MORC2: variants seen among roughly 807,000 people sequenced by gnomAD.
The protein encoded by MORC2 is ATPase MORC2.
Under a neutral mutation model 136.0 loss-of-function variants are expected in MORC2, and 30 were observed. The ratio of observed to expected loss-of-function variants is 0.22; its 90% CI spans 0.17 to 0.30. MORC2 has a LOEUF of 0.30. MORC2 is among the 10% of genes least tolerant of loss of function. MORC2 has a pLI of 1.00. For synonymous variants in MORC2, 439 were observed against 487.0 expected (o/e 0.90, Z 1.30); for missense variants, 922 against 1,333.1 (o/e 0.69, Z 4.80).
Position 30,958,619 on chromosome 22 carries a change from T to G in MORC2, c.122+22A>C, listed in dbSNP as rs1246748664. The G allele has an allele frequency of 3.3e-6, 5 of 1,537,270 alleles. No individual in the cohort carries two copies. The Admixed American group carries it at 7.9e-5, about 24-fold the overall frequency. ...AAGTGTTTCCACTTCAAGCACAGAT[T>G]GTATGCCTGAAGACTACATACCTTG... is the stretch of plus-strand genomic sequence containing the variant. On this transcript the variant is annotated intron_variant, in intron 2 of 25. Coordinates refer to ENST00000397641, the MANE Select transcript of MORC2 (RefSeq NM_001303256.3).
intron 6 of MORC2, among the ~76,000 whole-genome samples, chr22:30,943,175 A>C (rs545690483): frequency 5.3e-5 from 8 of 152,348 alleles, no homozygotes; most frequent in Admixed American, 4.6e-4. Context: ...AAAAATACCT[A>C]CAGTAAGAGT....
intron 1 of MORC2, among the ~76,000 whole-genome samples, chr22:30,962,217 A>AAAAG (rs989342630): frequency 9.2e-5 from 14 of 151,642 alleles, no homozygotes; most frequent in African/African-American, 1.7e-4. Context: ...CAAAAAAAAA[A>AAAAG]AAAGAAAGAA....
Position 30,934,995 on chromosome 22 carries a change from T to G in MORC2, c.1979A>C (p.Glu660Ala), listed in dbSNP as rs776424321. The G allele has an allele frequency of 6.2e-7, 1 of 1,613,986 alleles. No homozygotes were observed. The highest frequency in any genetic ancestry group is 8.5e-7 in the Non-Finnish European group (1 of 1,179,998). ...GAGCAGCCTAGATGTGCTGGCCTCC[T>G]CCCGGGCTGCCAAAGCAGGGAGCTT... ...TPKLPALAAR[E>A]EASTSRLLQP... The change falls in exon 19 of 26, where the codon GAG becomes GCG. Residue 660 changes from glutamate (E) to alanine (A), a missense_variant. Around this residue, in one of 9 missense-constraint regions of MORC2, gnomAD observed 184 missense variants for 180.3 expected, o/e 1.02. Coordinates refer to ENST00000397641, the MANE Select transcript of MORC2 (RefSeq NM_001303256.3). The surrounding 1 kb of genome is among the most constrained non-coding windows in gnomAD (Gnocchi z 4.4).
rs1340533661 is a variant in MORC2 at position 30,934,760 on chromosome 22, T to TA, written c.2193+20dup. The stretch of plus-strand genomic sequence containing the variant: ...CACTACTGACACTGGGCTGGGGTAT[T>TA]AAAGAGGACAAGCGTCTCACCGGGG... On this transcript the variant is annotated intron_variant, in intron 19 of 25. Coordinates refer to ENST00000397641, the MANE Select transcript of MORC2 (RefSeq NM_001303256.3). The surrounding 1 kb of genome is among the most constrained non-coding windows in gnomAD (Gnocchi z 4.4). 10 of 1,612,060 alleles carry TA rather than the reference T, an allele frequency of 6.2e-6. No homozygotes were observed. Among genetic ancestry groups the TA allele is most frequent in the Non-Finnish European group, 8.5e-6 (10 of 1,178,534 alleles).
intron 21 of MORC2, 93 bp downstream of exon 21, chr22:30,933,365 AGATTCAAT>A (rs1485050395): frequency 2.3e-6 from 3 of 1,314,770 alleles, no homozygotes; most frequent in African/African-American, 1.4e-5. Context: ...GACCCAGGAC[AGATTCAAT>A]GAGCCTTTGG....
In MORC2 at chr22:30,946,375, G is replaced by C. The variant is rs2040815796; in HGVS notation, c.392C>G (p.Ser131Cys). ...GCCTTCTTCCTCATGAAACGTGCGA[G>C]ACAGGAAGAGGCAGGTCATGGTGTC... ...KEDTMTCLFL[S>C]RTFHEEEGID... The change falls in exon 6 of 26, where the codon TCT (serine) becomes TGT (cysteine). Residue 131 changes from serine (S) to cysteine (C), a missense_variant. This residue lies in a region of MORC2 where 261 missense variants were observed against 354.3 expected (regional missense o/e 0.74). Transcript: ENST00000397641. 7 of 1,610,722 alleles carry C rather than the reference G, an allele frequency of 4.3e-6. No individual in the cohort carries two copies. The highest frequency in any genetic ancestry group is 4.2e-6 in the Non-Finnish European group (5 of 1,178,358).
chr22:30,952,698 T>C (rs780652318), intron 3 of MORC2, among the ~76,000 whole-genome samples: 3 of 152,262 alleles, frequency 2.0e-5, no homozygotes, highest in Non-Finnish European at 1.5e-5. Context: ...CTTCACCTTG[T>C]TCAAATGCTT....
chr22:30,950,343 C>G, intron 4 of MORC2, 34 bp downstream of exon 4: 1 of 639,766 alleles, frequency 1.6e-6, no homozygotes, highest in Non-Finnish European at 2.9e-6. Flanking sequence ...CATCGCACCC[C>G]CCCACCCCCC....
rs773737902 is a variant in MORC2, at chr22:30,935,100, G to T, written c.1874C>A (p.Ala625Asp). The change falls in exon 19 of 26, where the codon GCC becomes GAC. Residue 625 changes from alanine (A) to aspartate (D), a missense_variant. By Grantham distance (126) the Ala-to-Asp change is moderately radical. Around this residue, in one of 9 missense-constraint regions of MORC2, gnomAD observed 184 missense variants for 180.3 expected, o/e 1.02. Coordinates refer to ENST00000397641, the MANE Select transcript of MORC2 (RefSeq NM_001303256.3). Reference protein sequence around the residue: ...SPPLPAVIRNAPSRPPSLPTP... With the variant: ...SPPLPAVIRNDPSRPPSLPTP... Reference sequence around the variant, plus strand: ...TGGCAAAGAAGGGGGTCTGCTGGGGGCGTTCCTGATCACAGCAGGTAAAGG... The same window carrying T: ...TGGCAAAGAAGGGGGTCTGCTGGGGTCGTTCCTGATCACAGCAGGTAAAGG... 3 of 1,613,908 alleles carry T rather than the reference G, an allele frequency of 1.9e-6. No individual in the cohort carries two copies. Among genetic ancestry groups the T allele is most frequent in the Non-Finnish European group, 2.5e-6 (3 of 1,179,978 alleles).
rs142025578 is a variant in MORC2 at position 30,936,811 on chromosome 22, C to A, written c.1604+121G>T. 1.3e-4 allele frequency: 170 copies of A among 1,296,928 alleles called. 1 individual carries two copies. In the East Asian group the frequency reaches 2.9e-3, roughly 22 times the overall value. 80.3% of individuals were successfully genotyped at this position (1,296,928 alleles called of 1,614,324 possible). A position where few individuals can be genotyped will look rare whatever the true frequency, so the allele number is the denominator to read the frequency against. On this transcript the variant is annotated intron_variant, in intron 16 of 25. Transcript: ENST00000397641. Reference sequence around the variant, plus strand: ...GCAGGACATACATCTATTTTTATTTCTTGGGCAGTTATTAGGTGTGGCAAG... The same window carrying A: ...GCAGGACATACATCTATTTTTATTTATTGGGCAGTTATTAGGTGTGGCAAG...
chr22:30,933,158 C>T (rs547709676), intron 21 of MORC2, 128 bp from the exon 22 acceptor site: 10 of 1,334,928 alleles, frequency 7.5e-6, no homozygotes, highest in Non-Finnish European at 1.0e-5. Flanking sequence ...GCCCCCACTA[C>T]ACCAGGGACA....
intron 24 of MORC2, among the ~76,000 whole-genome samples, chr22:30,930,803 A>G (rs1016217210): frequency 5.3e-5 from 8 of 152,172 alleles, no homozygotes; most frequent in Non-Finnish European, 1.2e-4. Flanking sequence ...GACAATTCCC[A>G]GAGCCCCATC....
Position 30,933,009 on chromosome 22 carries a change from A to C in MORC2, c.2402T>G (p.Val801Gly). 1 of 1,613,904 alleles carries C rather than the reference A, an allele frequency of 6.2e-7. No homozygotes were observed. Among genetic ancestry groups the C allele is most frequent in the African/African-American group, 1.3e-5 (1 of 74,952 alleles). ...CGTGTACCACTCCCTGTTCACACGC[A>C]CCTCCACGTGCAGCCCTTTATCTGA... is the stretch of plus-strand genomic sequence containing the variant. ...AQKDKGLHVE[V>G]RVNREWYTGR... The change falls in exon 22 of 26, where the codon GTG becomes GGG. Residue 801 changes from valine (V) to glycine (G), a missense_variant. By Grantham distance (109) the Val-to-Gly change is moderately radical (BLOSUM62 -3). Transcript: ENST00000397641.
intron 6 of MORC2, among the ~76,000 whole-genome samples, chr22:30,944,549 C>T (rs1483592878): frequency 6.6e-6 from 1 of 152,124 alleles, no homozygotes; most frequent in South Asian, 2.1e-4. Context: ...TAGGTGACCT[C>T]GTTTGCTACC....
intron 20 of MORC2, 65 bp from the exon 21 acceptor site, chr22:30,933,585 T>C: frequency 6.5e-7 from 1 of 1,538,982 alleles, no homozygotes; most frequent in Non-Finnish European, 8.9e-7. Flanking sequence ...TGTGCCTTAC[T>C]GGCCACCCGG....
chr22:30,935,020 T>C lies in MORC2; in HGVS notation c.1954A>G (p.Lys652Glu). Reference protein sequence around the residue: ...RKAPVISSTPKLPALAAREEA... With the variant: ...RKAPVISSTPELPALAAREEA... ...TCCCGGGCTGCCAAAGCAGGGAGCT[T>C]TGGGGTACTGCTGATGACAGGAGCC... Residue 652 changes from lysine to glutamate, a missense_variant, in exon 19 of 26, where the codon AAG becomes GAG. Physicochemically the swap from Lys to Glu is moderately conservative, Grantham distance 56 (BLOSUM62 1). Around this residue, in one of 9 missense-constraint regions of MORC2, gnomAD observed 184 missense variants for 180.3 expected, o/e 1.02. Transcript: ENST00000397641. The C allele has an allele frequency of 6.2e-7, 1 of 1,613,650 alleles. No homozygotes were observed. Among genetic ancestry groups the C allele is most frequent in the Non-Finnish European group, 8.5e-7 (1 of 1,179,910 alleles).
At chr22:30,956,689 C>A in intron 3 of MORC2, 74 bp downstream of exon 3, 3 of 1,217,626 alleles carry the variant, frequency 2.5e-6, no homozygotes, top group South Asian at 1.4e-5. Context: ...TTATTTCCCA[C>A]TCAATTCTTC....
In MORC2 at chr22:30,968,597, C is replaced by G. The variant is rs543958150; in HGVS notation, c.-708G>C. 2.6e-5 allele frequency among the ~76,000 whole-genome samples: 4 copies of G among 152,288 alleles called. No homozygotes were observed. The highest frequency in any genetic ancestry group is 9.6e-5 in the African/African-American group (4 of 41,562). ...AATGACCCGCCCACAGCACCTCGGG[C>G]AGGCCGCGCCCCGCCCCCACGTCCC... On this transcript the variant is annotated 5_prime_UTR_variant, in exon 1 of 26. Coordinates refer to ENST00000397641, the MANE Select transcript of MORC2 (RefSeq NM_001303256.3).
chr22:30,932,103 C>T lies in MORC2; in HGVS notation c.2841+256G>A. On this transcript the variant is annotated intron_variant, in intron 24 of 25. Transcript: ENST00000397641. The surrounding 1 kb of genome is among the most constrained non-coding windows in gnomAD (Gnocchi z 4.4). ...TACACCTGCTATCCCTAAGGGATGACTCAACTCCTAGCACCTGTGGTGGGA... is the reference window on the plus strand; with the variant it reads ...TACACCTGCTATCCCTAAGGGATGATTCAACTCCTAGCACCTGTGGTGGGA... The T allele has an allele frequency of 6.9e-6, 3 of 433,306 alleles. No individual in the cohort carries two copies. The South Asian group carries it at 8.9e-5, about 13-fold the overall frequency. 26.8% of individuals were successfully genotyped at this position (433,306 alleles called of 1,614,324 possible). A position where few individuals can be genotyped will look rare whatever the true frequency, so the allele number is the denominator to read the frequency against.
Sources: gnomAD v4.1 joint callset for allele counts (sites outside exome capture counted in the v4.1 genomes callset) on GRCh38, gnomAD v4.1.1 for gene constraint, gnomAD v4.1.1 regional missense constraint, Gnocchi (gnomAD v3.1) non-coding constraint, MANE v1.5 for transcripts, NCBI Gene and HGNC (gene_info 2026-07-23, HGNC 2026-07-21) for gene names.